ORC1: variants seen among roughly 807,000 people sequenced by gnomAD.
The protein encoded by ORC1 is origin recognition complex, subunit 1 homolog.
Under a neutral mutation model 98.9 loss-of-function variants are expected in ORC1, and 61 were observed. That is an observed-to-expected ratio of 0.62 (90% CI 0.50 to 0.76). The LOEUF (loss-of-function observed/expected upper bound fraction) is 0.76. Ranked by LOEUF, ORC1 falls within the 30% of genes least tolerant of loss-of-function variation. The pLI is 0.00. For synonymous variants in ORC1, 385 were observed against 406.9 expected, an observed-to-expected ratio of 0.95 and a Z score of 0.65; for missense variants, 979 against 1,072.2, an observed-to-expected ratio of 0.91 and a Z score of 1.21.
In ORC1 at chr1:52,382,835, C is replaced by A. The variant is rs3790520; in HGVS notation, c.2013+585G>T. ...CCTCAGGTGATCCACCTGCCTTGGC[C>A]TCCCAAAGTGCTGGGATTACAGGCG... On this transcript the variant is annotated intron_variant, in intron 13 of 16. Transcript: ENST00000371568. Among the ~76,000 whole-genome samples, 1,408 of 152,132 alleles carry A rather than the reference C, an allele frequency of 9.3e-3. 62 individuals are homozygous for A. The East Asian group carries it at 0.12, about 13-fold the overall frequency.
At chr1:52,404,539 C>T (rs1647906271), upstream of ORC1, 1 of 515,884 alleles carries the variant, frequency 1.9e-6, no homozygotes, top group Non-Finnish European at 3.4e-6. Context: ...GCATGACGTA[C>T]ATCCGCTAAC....
chr1:52,383,675 T>C, intron 12 of ORC1, 106 bp from the exon 13 acceptor site: 1 of 1,400,958 alleles, frequency 7.1e-7, no homozygotes, highest in Non-Finnish European at 1.0e-6. Context: ...TCCCAAGTCA[T>C]AGCACCAAAA....
Position 52,373,303 on chromosome 1 carries a change from C to G in ORC1, c.2464G>C (p.Val822Leu), listed in dbSNP as rs770286151. 6.2e-7 allele frequency: 1 copy of G among 1,614,034 alleles called. No individual in the cohort carries two copies. Among genetic ancestry groups the G allele is most frequent in the Admixed American group, 1.7e-5 (1 of 60,008 alleles). ...CGACAGGAGCCCAGGTGAGAACACA[C>G]GGCCATGGTCTCTGACATGGTGGGG... is the stretch of plus-strand genomic sequence containing the variant. ...PYPTMSETMA[V>L]CSHLGSCRLL... The change falls in exon 17 of 17, where the codon GTG becomes CTG. Residue 822 changes from valine to leucine, a missense_variant. Physicochemically the swap from Val to Leu is conservative, Grantham distance 32 (BLOSUM62 1). Transcript: ENST00000371568.
At chr1:52,405,920 A>C (rs1647973819), upstream of ORC1, 1 of 1,135,658 alleles carries the variant, frequency 8.8e-7, no homozygotes, top group African/African-American at 1.5e-5. Flanking sequence ...AGGGGTGTAC[A>C]CAATGTATCT....
At chr1:52,373,997 A>G (rs1646965467) in intron 16 of ORC1, among the ~76,000 whole-genome samples, 1 of 152,194 alleles carries the variant, frequency 6.6e-6, no homozygotes, top group African/African-American at 2.4e-5. Context: ...CTAAATATCT[A>G]TGAGTCTATC....
At chr1:52,390,859 T>C (rs1454982452) in intron 6 of ORC1, among the ~76,000 whole-genome samples, 1 of 139,798 alleles carries the variant, frequency 7.2e-6, no homozygotes, top group African/African-American at 2.7e-5. Context: ...GCCATTGCAC[T>C]CCAGCCTGGA....
In ORC1 at chr1:52,393,820, C is replaced by T. The variant is rs1205407897; in HGVS notation, c.722-17G>A. 2.5e-6 allele frequency: 4 copies of T among 1,609,700 alleles called. No homozygotes were observed. Among genetic ancestry groups the T allele is most frequent in the African/African-American group, 2.7e-5 (2 of 74,922 alleles). On this transcript the variant is annotated splice_polypyrimidine_tract_variant and intron_variant, in intron 5 of 16. Transcript: ENST00000371568. The stretch of plus-strand genomic sequence containing the variant: ...TACCTAAGTCTAAGAGAAATCATCA[C>T]AATGTGTAAATTTTTTACCTAACAA...
At chr1:52,380,343 C>T (rs898181190) in intron 14 of ORC1, among the ~76,000 whole-genome samples, 3 of 152,144 alleles carry the variant, frequency 2.0e-5, no homozygotes, top group Non-Finnish European at 4.4e-5. Context: ...AAGATAGAGA[C>T]CAAAATCAAC....
intron 14 of ORC1, among the ~76,000 whole-genome samples, chr1:52,380,672 G>A (rs1297974456): frequency 6.6e-6 from 1 of 151,542 alleles, no homozygotes; most frequent in Non-Finnish European, 1.5e-5. Flanking sequence ...TCCAGCCTGG[G>A]CGACCGAGTG....
upstream of ORC1, among the ~76,000 whole-genome samples, chr1:52,405,198 AG>A (rs1647942922): frequency 6.6e-6 from 1 of 152,224 alleles, no homozygotes; most frequent in Non-Finnish European, 1.5e-5. Flanking sequence ...AATCTGTTGA[AG>A]GTCTTTAAGG....
intron 4 of ORC1, 117 bp from the exon 5 acceptor site, chr1:52,396,481 C>T (rs948207507): frequency 7.2e-6 from 9 of 1,258,170 alleles, no homozygotes; most frequent in Non-Finnish European, 9.1e-6. Context: ...AAAATGTTAC[C>T]TTTCCAATCT....
rs763983725 is a variant in ORC1, at chr1:52,381,739, T to G, written c.2036A>C (p.Gln679Pro). The change falls in exon 14 of 17, where the codon CAG becomes CCG. Residue 679 changes from glutamine (Q) to proline (P), a missense_variant. By Grantham distance (76) the Gln-to-Pro change is moderately conservative. Transcript: ENST00000371568. ...CTGCAGCTGGCTATATGTATAGGGC[T>G]GGAAGCACATCCTGGTAAGACCCTG... Reference protein sequence around the residue: ...SRLGLTRMCFQPYTYSQLQQI... With the variant: ...SRLGLTRMCFPPYTYSQLQQI... 8 of 1,613,372 alleles carry G rather than the reference T, an allele frequency of 5.0e-6. No homozygotes were observed. In the South Asian group the frequency reaches 8.8e-5, roughly 18 times the overall value.
intron 13 of ORC1, among the ~76,000 whole-genome samples, chr1:52,382,572 C>CTTTTTTTTTTTTT (rs3049207): frequency 9.3e-6 from 1 of 107,410 alleles, no homozygotes; most frequent in Non-Finnish European, 1.8e-5. Context: ...AGTGCTAAAA[C>CTTTTTTTTTTTTT]TTTTTTTTTT....
chr1:52,375,941 GC>G (rs1337476678), intron 14 of ORC1, among the ~76,000 whole-genome samples: 1 of 152,140 alleles, frequency 6.6e-6, no homozygotes, highest in East Asian at 1.9e-4. Flanking sequence ...ACAGACGTGT[GC>G]CCCCAGAAGC....
At chr1:52,390,506 T>A (rs977392571) in intron 6 of ORC1, among the ~76,000 whole-genome samples, 9 of 152,168 alleles carry the variant, frequency 5.9e-5, no homozygotes, top group African/African-American at 2.2e-4. Flanking sequence ...TGTAGAAGAA[T>A]GAAACTGGGG....
intron 7 of ORC1, 26 bp downstream of exon 7, chr1:52,389,191 C>G (rs1333277686): frequency 2.0e-6 from 3 of 1,515,302 alleles, no homozygotes; most frequent in African/African-American, 1.4e-5. Flanking sequence ...AGCAATGTTT[C>G]TCTGCCTGCC....
upstream of ORC1, among the ~76,000 whole-genome samples, chr1:52,405,997 T>G (rs1647977629): frequency 6.6e-6 from 1 of 152,188 alleles, no homozygotes; most frequent in Admixed American, 6.5e-5. Flanking sequence ...TTTGTTTGTT[T>G]TTTGTTTTGG....
chr1:52,390,901 G>GAAAAAAAAAAAAA (rs112674214), intron 6 of ORC1, among the ~76,000 whole-genome samples: 1 of 77,394 alleles, frequency 1.3e-5, no homozygotes. Context: ...TCCAAAAAAA[G>GAAAAAAAAAAAAA]AAAAAAAAAA....
In ORC1 at chr1:52,401,470, C is replaced by G. The variant is rs1216068347; in HGVS notation, c.115G>C (p.Glu39Gln). ...QTYREMCVKTEGCSTEIHIQI... is the reference protein window; with the variant it reads ...QTYREMCVKTQGCSTEIHIQI... ...ATGTGAATCTCGGTGGAACAACCTT[C>G]TGTTTTCACACACATTTCTCTAGGA... is the stretch of plus-strand genomic sequence containing the variant. The change falls in exon 3 of 17, where the codon GAA (glutamate) becomes CAA (glutamine). Residue 39 changes from glutamate to glutamine, a missense_variant. Coordinates refer to ENST00000371568, the MANE Select transcript of ORC1 (RefSeq NM_004153.4). 2 of 1,614,016 alleles carry G rather than the reference C, an allele frequency of 1.2e-6. No individual in the cohort carries two copies. The highest frequency in any genetic ancestry group is 4.5e-5 in the East Asian group (2 of 44,870).
Sources: allele counts gnomAD v4.1 joint callset (sites outside exome capture counted in the v4.1 genomes callset), GRCh38; gene constraint gnomAD v4.1.1; transcripts MANE v1.5; gene names NCBI Gene and HGNC (gene_info 2026-07-23, HGNC 2026-07-21).